DPP10: variants seen among roughly 807,000 people sequenced by gnomAD.
DPP10 encodes inactive dipeptidyl peptidase 10.
In DPP10, 33 loss-of-function variants were observed where a neutral mutation model predicts 120.9. The observed-to-expected ratio is 0.27, with a 90% confidence interval of 0.21 to 0.37. The LOEUF is 0.37. Among genes scored for constraint, DPP10 ranks in the 10% least tolerant of loss-of-function variants. The pLI is 1.00. For synonymous variants in DPP10, 337 were observed against 326.1 expected (o/e 1.03, Z -0.36); for missense variants, 816 against 942.8 (o/e 0.87, Z 1.76).
chr2:115,519,916 AT>A (rs1192744823), intron 4 of DPP10, among the ~76,000 whole-genome samples: 1 of 152,246 alleles, frequency 6.6e-6, no homozygotes, highest in Non-Finnish European at 1.5e-5. Context: ...ATGTTTCAAA[AT>A]TAACATCTTT....
chr2:115,669,766 A>G (rs2089726702), intron 5 of DPP10, among the ~76,000 whole-genome samples: 1 of 152,150 alleles, frequency 6.6e-6, no homozygotes, highest in Non-Finnish European at 1.5e-5. Flanking sequence ...CCATTGTATC[A>G]GTCATTGCCA....
intron 5 of DPP10, among the ~76,000 whole-genome samples, chr2:115,657,425 A>T (rs2088473580): frequency 6.6e-6 from 1 of 151,732 alleles, no homozygotes; most frequent in Non-Finnish European, 1.5e-5. Context: ...TTTATGAAAC[A>T]GAAAATATGG....
intron 5 of DPP10, among the ~76,000 whole-genome samples, chr2:115,569,775 C>G (rs561872328): frequency 6.6e-6 from 1 of 152,316 alleles, no homozygotes; most frequent in Admixed American, 6.5e-5. Context: ...CACCATGAGT[C>G]ACTGGAGTAA....
chr2:115,475,953 A>G (rs2075050154), intron 3 of DPP10, among the ~76,000 whole-genome samples: 1 of 152,128 alleles, frequency 6.6e-6, no homozygotes, highest in African/African-American at 2.4e-5. Flanking sequence ...CTTGTTTTTG[A>G]TTTTACAAGC....
intron 19 of DPP10, among the ~76,000 whole-genome samples, chr2:115,811,033 C>G (rs1182225985): frequency 6.6e-6 from 1 of 152,202 alleles, no homozygotes; most frequent in Admixed American, 6.5e-5. Context: ...AATAAGCACT[C>G]TTTGCTTAGC....
intron 3 of DPP10, among the ~76,000 whole-genome samples, chr2:115,402,854 A>AAAATATATATAT (rs1476901026): frequency 8.2e-5 from 8 of 97,666 alleles, no homozygotes; most frequent in African/African-American, 2.4e-4. Context: ...AAAAAAAAAA[A>AAAATATATATAT]ATATATATAT....
intron 5 of DPP10, among the ~76,000 whole-genome samples, chr2:115,527,884 A>G (rs1262297040): frequency 6.6e-6 from 1 of 152,138 alleles, no homozygotes; most frequent in Non-Finnish European, 1.5e-5. Flanking sequence ...GCATGCAGAG[A>G]AACTGGATCA....
intron 1 of DPP10, among the ~76,000 whole-genome samples, chr2:114,740,191 G>A (rs1202465274): frequency 6.6e-6 from 1 of 151,548 alleles, no homozygotes; most frequent in African/African-American, 2.4e-5. Context: ...AAAATGATGA[G>A]TTCATGTCCT....
intron 3 of DPP10, among the ~76,000 whole-genome samples, chr2:115,373,215 TAAC>T (rs973764232): frequency 1.3e-5 from 2 of 152,192 alleles, no homozygotes; most frequent in African/African-American, 4.8e-5. Context: ...ACTCAGATAA[TAAC>T]AACATAAATG....
chr2:114,892,033 A>T (rs1324383728), intron 1 of DPP10, among the ~76,000 whole-genome samples: 1 of 152,186 alleles, frequency 6.6e-6, no homozygotes, highest in Non-Finnish European at 1.5e-5. Context: ...CTTTACAACT[A>T]GAAAACTTAC....
At chr2:114,584,675 A>G (rs1162358093) in intron 1 of DPP10, among the ~76,000 whole-genome samples, 1 of 151,400 alleles carries the variant, frequency 6.6e-6, no homozygotes, top group Middle Eastern at 3.2e-3. Flanking sequence ...TTAAATTGAG[A>G]AATCAATTAT....
chr2:114,899,594 T>G (rs1558859756), intron 1 of DPP10, among the ~76,000 whole-genome samples: 1 of 150,260 alleles, frequency 6.7e-6, no homozygotes, highest in Non-Finnish European at 1.5e-5. Flanking sequence ...TTTTTGAAGC[T>G]TATGTAATGA....
At chr2:115,082,172 G>A (rs775766105) in intron 1 of DPP10, among the ~76,000 whole-genome samples, 2 of 152,126 alleles carry the variant, frequency 1.3e-5, no homozygotes, top group South Asian at 2.1e-4. Context: ...TAAGCCTTCT[G>A]AACAGGCATT....
At chr2:115,599,322 C>T (rs2149207497) in intron 5 of DPP10, among the ~76,000 whole-genome samples, 1 of 152,152 alleles carries the variant, frequency 6.6e-6, no homozygotes, top group East Asian at 1.9e-4. Flanking sequence ...AAACTTTTGA[C>T]ATTGTCTCAT....
chr2:114,928,145 C>T (rs1695777694), intron 1 of DPP10, among the ~76,000 whole-genome samples: 1 of 152,198 alleles, frequency 6.6e-6, no homozygotes, highest in Non-Finnish European at 1.5e-5. Context: ...GTCCTTCTCA[C>T]TTTGCAAGAT....
intron 5 of DPP10, among the ~76,000 whole-genome samples, chr2:115,672,621 C>CTTCTTTCTTTCTTTCT (rs10648127): frequency 2.6e-4 from 38 of 145,672 alleles, no homozygotes; most frequent in South Asian, 8.9e-4. Context: ...CATGGCGCCC[C>CTTCTTTCTTTCTTTCT]TTCTTTCTTT....
chr2:115,397,972 G>A (rs1340047684), intron 3 of DPP10, among the ~76,000 whole-genome samples: 3 of 151,960 alleles, frequency 2.0e-5, no homozygotes, highest in Non-Finnish European at 2.9e-5. Context: ...GAGTCGATAC[G>A]GCAACATCAC....
At chr2:114,661,302 G>A (rs545140127) in intron 1 of DPP10, among the ~76,000 whole-genome samples, 1 of 152,276 alleles carries the variant, frequency 6.6e-6, no homozygotes, top group East Asian at 1.9e-4. Flanking sequence ...TCTCTAGTAA[G>A]GAATCAAGGT....
intron 1 of DPP10, among the ~76,000 whole-genome samples, chr2:114,816,533 C>A (rs1685654368): frequency 6.6e-6 from 1 of 152,168 alleles, no homozygotes; most frequent in South Asian, 2.1e-4. Flanking sequence ...TCCTTGACCA[C>A]TCTTTTGAAC....
Sources: allele counts gnomAD v4.1 joint callset (sites outside exome capture counted in the v4.1 genomes callset), GRCh38; gene constraint gnomAD v4.1.1; transcripts MANE v1.5; gene names NCBI Gene and HGNC (gene_info 2026-07-23, HGNC 2026-07-21).